The following STARD13 variants were observed in gnomAD, a reference collection of about 807,000 sequenced individuals.
The protein encoded by STARD13 is StAR related lipid transfer domain containing 13, also known as stAR-related lipid transfer protein 13.
Under a neutral mutation model 106.4 loss-of-function variants are expected in STARD13, and 62 were observed. That is an observed-to-expected ratio of 0.58 (90% CI 0.48 to 0.72). The LOEUF (loss-of-function observed/expected upper bound fraction) is 0.72, where lower values mean the gene tolerates loss of function less well. Among genes scored for constraint, STARD13 ranks in the 30% least tolerant of loss-of-function variants. The pLI is 0.00. For missense variants in STARD13, 1,387 were observed against 1,424.0 expected (o/e 0.97, Z 0.42); for synonymous variants, 565 against 553.0 (o/e 1.02, Z -0.31).
chr13:33,217,137 T>C (rs1447596962), intron 1 of STARD13, among the ~76,000 whole-genome samples: 1 of 152,200 alleles, frequency 6.6e-6, no homozygotes, highest in South Asian at 2.1e-4. Context: ...GGTCTCTTCT[T>C]TGGCCTCTGG....
rs1014472279 is a variant in STARD13 at position 33,105,549 on chromosome 13, T to A, written c.*44A>T. 4 of 1,395,500 alleles carry A rather than the reference T, an allele frequency of 2.9e-6. No individual in the cohort carries two copies. The highest frequency in any genetic ancestry group is 4.1e-6 in the Non-Finnish European group (4 of 980,388). The allele number at this position is 1,395,500 out of a possible 1,614,324, so 86.4% of individuals were successfully genotyped here. On this transcript the variant is annotated 3_prime_UTR_variant, in exon 14 of 14. Coordinates refer to ENST00000336934, the MANE Select transcript of STARD13 (RefSeq NM_178006.4). The stretch of plus-strand genomic sequence containing the variant: ...GCACACTCTCTGCCACACTCGTCAC[T>A]TTAGCTTCCTCTTCCCTGAGTTTGA...
At chr13:33,581,333 C>T in the STARD13 span, among the ~76,000 whole-genome samples, 2 of 151,978 alleles carry the variant, frequency 1.3e-5, no homozygotes, top group Non-Finnish European at 2.9e-5. Flanking sequence ...TAAAAATGTT[C>T]AAAGAATTTC....
intron 1 of STARD13, among the ~76,000 whole-genome samples, chr13:33,228,496 C>G (rs1888735961): frequency 6.6e-6 from 1 of 151,762 alleles, no homozygotes; most frequent in Admixed American, 6.6e-5. Context: ...ACTGTGTGGA[C>G]TCCTTAGTGA....
chr13:33,518,736 C>G, the STARD13 span, among the ~76,000 whole-genome samples: 2,010 of 152,196 alleles, frequency 0.013, 45 homozygotes, highest in African/African-American at 0.045. Context: ...CACTAAAGAA[C>G]CTGAACTTCA....
At position 33,268,993 on chromosome 13, in the gene STARD13, T is replaced by C. The variant is rs190541720; in HGVS notation, c.169+16477A>G. ...AGTCAATGTAGAGTCTAAGTTTTTG[T>C]TGGAGCAAAAAGTTTTGACAAGCCA... On this transcript the variant is annotated intron_variant, in intron 1 of 13. Transcript: ENST00000336934. Among the ~76,000 whole-genome samples the C allele has an allele frequency of 1.1e-4, 17 of 152,314 alleles. No individual in the cohort carries two copies. The East Asian group carries it at 3.3e-3, about 29-fold the overall frequency.
chr13:33,326,640 T>G (rs2077778745), intron 1 of STARD13, among the ~76,000 whole-genome samples: 1 of 152,208 alleles, frequency 6.6e-6, no homozygotes, highest in African/African-American at 2.4e-5. Context: ...CCCCATCTGT[T>G]CAATCTGATT....
the STARD13 span, among the ~76,000 whole-genome samples, chr13:33,623,688 A>G: frequency 0.031 from 4,651 of 152,208 alleles, 77 homozygotes; most frequent in Middle Eastern, 0.051. Flanking sequence ...AAATGAGCTG[A>G]TATTATTTAC....
chr13:33,512,537 G>A, the STARD13 span, among the ~76,000 whole-genome samples: 2 of 151,798 alleles, frequency 1.3e-5, no homozygotes, highest in Non-Finnish European at 2.9e-5. Context: ...GCGTGATTGC[G>A]GCTCACTGCA....
the STARD13 span, among the ~76,000 whole-genome samples, chr13:33,672,891 T>C: frequency 2.0e-5 from 3 of 152,250 alleles, no homozygotes; most frequent in African/African-American, 7.2e-5. Flanking sequence ...TCCATTTTAG[T>C]GAATCTGTTC....
the STARD13 span, among the ~76,000 whole-genome samples, chr13:33,644,722 C>T: frequency 1.8e-4 from 27 of 152,304 alleles, no homozygotes; most frequent in African/African-American, 5.8e-4. Context: ...CTAGCAACTA[C>T]TTGTGGGTGA....
chr13:33,198,473 A>G (rs1026936817), intron 1 of STARD13, among the ~76,000 whole-genome samples: 7 of 151,956 alleles, frequency 4.6e-5, no homozygotes, highest in African/African-American at 1.7e-4. Flanking sequence ...GTCTTCCCTC[A>G]AGTTCTTTCT....
At chr13:33,318,561 T>C (rs1250917848) in intron 1 of STARD13, among the ~76,000 whole-genome samples, 1 of 151,856 alleles carries the variant, frequency 6.6e-6, no homozygotes, top group Non-Finnish European at 1.5e-5. Flanking sequence ...CAAAGAAAAA[T>C]AGATTAATTG....
At chr13:33,247,380 C>T (rs1469360470) in intron 1 of STARD13, among the ~76,000 whole-genome samples, 6 of 151,878 alleles carry the variant, frequency 4.0e-5, no homozygotes, top group East Asian at 3.9e-4. Flanking sequence ...ATGGGGGCAA[C>T]GTGATGAGCA....
the STARD13 span, among the ~76,000 whole-genome samples, chr13:33,670,116 A>T: frequency 6.6e-6 from 1 of 152,198 alleles, no homozygotes; most frequent in Non-Finnish European, 1.5e-5. Flanking sequence ...CTCAAGGATT[A>T]CATATGTATT....
At position 33,118,187 on chromosome 13, in the gene STARD13, T is replaced by C; in HGVS notation, c.2159A>G (p.Asn720Ser). The change falls in exon 8 of 14, where the codon AAC becomes AGC. Residue 720 changes from asparagine (N) to serine (S), a missense_variant. Coordinates refer to ENST00000336934, the MANE Select transcript of STARD13 (RefSeq NM_178006.4). ...AGCAGACTGGTCTTCATAGTTGACG[T>C]TCTCAGGGAAGTTTTCATTCATTTG... ...LRQMNENFPENVNYEDQSAYD... is the reference protein window; with the variant it reads ...LRQMNENFPESVNYEDQSAYD... 2 of 1,614,188 alleles carry C rather than the reference T, an allele frequency of 1.2e-6. No individual in the cohort carries two copies. The highest frequency in any genetic ancestry group is 1.7e-6 in the Non-Finnish European group (2 of 1,180,028).
At chr13:33,440,468 G>C in the STARD13 span, among the ~76,000 whole-genome samples, 2 of 151,594 alleles carry the variant, frequency 1.3e-5, no homozygotes, top group African/African-American at 4.9e-5. Flanking sequence ...CCTTCCTTCT[G>C]CAACTTTATC....
the STARD13 span, chr13:33,676,556 T>TG: frequency 6.6e-6 from 1 of 152,212 alleles, no homozygotes; most frequent in Non-Finnish European, 1.5e-5. Context: ...CTGTTATTCC[T>TG]AAAGGCAGGA....
intron 3 of STARD13, among the ~76,000 whole-genome samples, chr13:33,142,873 C>T (rs755486705): frequency 3.3e-5 from 5 of 152,184 alleles, no homozygotes; most frequent in East Asian, 1.9e-4. Flanking sequence ...AGAACACATA[C>T]GTTGAAGCCC....
rs146449066 is a variant in STARD13, at chr13:33,110,014, C to A, written c.2906G>T (p.Arg969Leu). Residue 969 changes from arginine to leucine, a missense_variant, in exon 12 of 14, where the codon CGC becomes CTC. Physicochemically the swap from Arg to Leu is moderately radical, Grantham distance 102. Transcript: ENST00000336934. ...VEAPPSVVLNRVLRERHLWDE... is the reference protein window; with the variant it reads ...VEAPPSVVLNLVLRERHLWDE... ...CCACAGGTGGCGCTCTCTCAGCACG[C>A]GGTTCAGGACCACTGAGGGGGGTGC... The A allele has an allele frequency of 6.2e-7, 1 of 1,614,248 alleles. No individual in the cohort carries two copies.
Sources: gnomAD v4.1 joint callset for allele counts (sites outside exome capture counted in the v4.1 genomes callset) on GRCh38, gnomAD v4.1.1 for gene constraint, MANE v1.5 for transcripts, NCBI Gene and HGNC (gene_info 2026-07-23, HGNC 2026-07-21) for gene names.